EGFLAM: variants seen among roughly 807,000 people sequenced by gnomAD.
EGFLAM encodes the protein pikachurin.
In EGFLAM, 79 loss-of-function variants were observed where a neutral mutation model predicts 113.1. The ratio of observed to expected loss-of-function variants is 0.70; its 90% confidence interval spans 0.58 to 0.84. EGFLAM has a LOEUF of 0.84. Ranked by LOEUF, EGFLAM falls within the 40% of genes least tolerant of loss-of-function variation. The probability of loss-of-function intolerance (pLI) is 0.00; values close to 1 mark genes in which losing one functional copy is unlikely to be tolerated. For missense variants in EGFLAM, 1,265 were observed against 1,291.6 expected (o/e 0.98, Z 0.32); for synonymous variants, 504 against 487.6 (o/e 1.03, Z -0.44).
chr5:38,451,035 G>C (rs527668854), intron 18 of EGFLAM, among the ~76,000 whole-genome samples: 2 of 152,192 alleles, frequency 1.3e-5, no homozygotes, highest in African/African-American at 4.8e-5. Flanking sequence ...GGTGTGTATG[G>C]GGGTGCAGCC....
rs187466218 is a variant in EGFLAM at position 38,350,793 on chromosome 5, T to A, written c.409+175T>A. 5.2e-4 allele frequency among the ~76,000 whole-genome samples: 79 copies of A among 152,314 alleles called. 1 individual carries two copies. The highest frequency in any genetic ancestry group is 4.4e-5 in the Non-Finnish European group (3 of 68,032). On this transcript the variant is annotated intron_variant, in intron 4 of 21. Transcript: ENST00000322350. Reference sequence around the variant, plus strand: ...CTCTCAGAACTTAGTGGGGTGAGTCTAGACATTCCCTCATTAGTGTGTAGT... The same window carrying A: ...CTCTCAGAACTTAGTGGGGTGAGTCAAGACATTCCCTCATTAGTGTGTAGT...
chr5:38,348,269 GT>G (rs1739526575), intron 3 of EGFLAM, among the ~76,000 whole-genome samples: 1 of 152,080 alleles, frequency 6.6e-6, no homozygotes, highest in Non-Finnish European at 1.5e-5. Context: ...CACCCTGAAG[GT>G]GGTGCCAGAA....
chr5:38,394,541 C>G (rs1740903928), intron 6 of EGFLAM, among the ~76,000 whole-genome samples: 1 of 151,700 alleles, frequency 6.6e-6, no homozygotes, highest in African/African-American at 2.4e-5. Context: ...TCCCGAGTAG[C>G]TGGGACTACA....
At chr5:38,299,012 T>C (rs897803523) in intron 1 of EGFLAM, among the ~76,000 whole-genome samples, 1 of 152,178 alleles carries the variant, frequency 6.6e-6, no homozygotes, top group African/African-American at 2.4e-5. Flanking sequence ...AAAACAATAT[T>C]GGATATGGGC....
At chr5:38,308,403 G>GGTA (rs150349597) in intron 1 of EGFLAM, among the ~76,000 whole-genome samples, 1,850 of 152,316 alleles carry the variant, frequency 0.012, 44 homozygotes, top group African/African-American at 0.042. Context: ...CATGCTGAAG[G>GGTA]CTGGGATGTA....
intron 10 of EGFLAM, 125 bp from the exon 11 acceptor site, chr5:38,412,379 T>C: frequency 7.0e-7 from 1 of 1,423,794 alleles, no homozygotes; most frequent in Non-Finnish European, 9.7e-7. Context: ...TTGATATTCA[T>C]AAACATGACT....
intron 1 of EGFLAM, among the ~76,000 whole-genome samples, chr5:38,299,872 A>G (rs551599237): frequency 6.6e-6 from 1 of 152,316 alleles, no homozygotes; most frequent in African/African-American, 2.4e-5. Flanking sequence ...TTGAGCATGT[A>G]TTATGTGCTG....
At chr5:38,352,169 T>A (rs2111987129) in intron 4 of EGFLAM, 27 bp from the exon 5 acceptor site, 1 of 1,613,704 alleles carries the variant, frequency 6.2e-7, no homozygotes, top group Non-Finnish European at 8.5e-7. Context: ...ACCAGCCTAG[T>A]CTAGTTGTGT....
At chr5:38,373,288 G>A (rs555825342) in intron 6 of EGFLAM, among the ~76,000 whole-genome samples, 3 of 152,290 alleles carry the variant, frequency 2.0e-5, no homozygotes, top group East Asian at 3.9e-4. Context: ...GGATTTGAAC[G>A]TGGGTTTGGC....
rs75707264 is a variant in EGFLAM, at chr5:38,377,592, C to G, written c.712+7130C>G. On this transcript the variant is annotated intron_variant, in intron 6 of 21. Transcript: ENST00000322350. ...ACTCCCTACTGCTACTGTATGGGAA[C>G]TTCAAAGACAAGATGAAAGGAAACA... is the stretch of plus-strand genomic sequence containing the variant. 2.0e-5 allele frequency among the ~76,000 whole-genome samples: 3 copies of G among 152,308 alleles called. No homozygotes were observed. In the East Asian group the frequency reaches 5.8e-4, roughly 29 times the overall value.
intron 1 of EGFLAM, among the ~76,000 whole-genome samples, chr5:38,289,037 G>A (rs1291208007): frequency 6.6e-6 from 1 of 152,102 alleles, no homozygotes; most frequent in Non-Finnish European, 1.5e-5. Flanking sequence ...CTGCCCTTAT[G>A]GGGGAGTGGG....
intron 1 of EGFLAM, among the ~76,000 whole-genome samples, chr5:38,278,309 A>ATCCTTTCCCT (rs1173670531): frequency 6.6e-6 from 1 of 152,174 alleles, no homozygotes; most frequent in African/African-American, 2.4e-5. Context: ...TGTATTCAGT[A>ATCCTTTCCCT]AATATGCCAG....
rs150291825 is a variant in EGFLAM at position 38,293,778 on chromosome 5, A to G, written c.97+34927A>G. Among the ~76,000 whole-genome samples the G allele has an allele frequency of 5.0e-3, 764 of 152,264 alleles. 6 individuals carry two copies. Among genetic ancestry groups the G allele is most frequent in the African/African-American group, 0.018 (732 of 41,554 alleles). ...TTTGGTGTCTACACATATGACTTTC[A>G]TGTTGGGAGCCTGGGAGCCATTTGT... On this transcript the variant is annotated intron_variant, in intron 1 of 21. Transcript: ENST00000322350.
At chr5:38,451,954 T>G (rs1188171415) in intron 19 of EGFLAM, among the ~76,000 whole-genome samples, 1 of 133,524 alleles carries the variant, frequency 7.5e-6, no homozygotes, top group African/African-American at 3.0e-5. Flanking sequence ...ATCGCGCTAC[T>G]GCACTCCAGC....
rs182011435 is a variant in EGFLAM, at chr5:38,263,369, C to T, written c.97+4518C>T. Reference sequence around the variant, plus strand: ...CTCAGCTACTTGGGAGGCTGAGGCACGAGAATCACTTTACCCTCAGAGAGG... The same window carrying T: ...CTCAGCTACTTGGGAGGCTGAGGCATGAGAATCACTTTACCCTCAGAGAGG... On this transcript the variant is annotated intron_variant, in intron 1 of 21. Transcript: ENST00000322350. Among the ~76,000 whole-genome samples, 163 of 152,120 alleles carry T rather than the reference C, an allele frequency of 1.1e-3. 1 individual carries two copies. The highest frequency in any genetic ancestry group is 3.6e-3 in the African/African-American group (151 of 41,508).
intron 3 of EGFLAM, among the ~76,000 whole-genome samples, chr5:38,344,499 AAG>A (rs1327596652): frequency 7.4e-6 from 1 of 135,402 alleles, no homozygotes; most frequent in Non-Finnish European, 1.6e-5. Flanking sequence ...AAAAAAAAAA[AAG>A]AAGAGTCTCA....
chr5:38,351,005 C>T (rs1228664857), intron 4 of EGFLAM, among the ~76,000 whole-genome samples: 2 of 152,022 alleles, frequency 1.3e-5, no homozygotes, highest in Non-Finnish European at 2.9e-5. Flanking sequence ...TGAGGTGACA[C>T]CAAGTGGACA....
intron 6 of EGFLAM, among the ~76,000 whole-genome samples, chr5:38,391,648 C>T (rs757957167): frequency 5.3e-5 from 8 of 152,080 alleles, no homozygotes; most frequent in African/African-American, 9.7e-5. Context: ...CCGCCCACCT[C>T]GGCCTCCCAA....
intron 1 of EGFLAM, among the ~76,000 whole-genome samples, chr5:38,275,497 G>T (rs1757864225): frequency 6.6e-6 from 1 of 152,170 alleles, no homozygotes; most frequent in Non-Finnish European, 1.5e-5. Flanking sequence ...AATGATAAAG[G>T]AGTCAGTTCA....
Sources: gnomAD v4.1 joint callset for allele counts (sites outside exome capture counted in the v4.1 genomes callset) on GRCh38, gnomAD v4.1.1 for gene constraint, MANE v1.5 for transcripts, NCBI Gene and HGNC (gene_info 2026-07-23, HGNC 2026-07-21) for gene names.